LOC131768270: variants seen among roughly 807,000 people sequenced by gnomAD.
At chr5:140,567,156 G>T in the LOC131768270 span, 1 of 1,614,200 alleles carries the variant, frequency 6.2e-7, no homozygotes, top group African/African-American at 1.3e-5. Context: ...AGCCACCCAG[G>T]GTCTTGTGTG....
At chr5:140,564,863 GT>G in the LOC131768270 span, 1 of 405,870 alleles carries the variant, frequency 2.5e-6, no homozygotes, top group South Asian at 1.1e-4. The surrounding 1 kb of genome is among the most constrained non-coding windows in gnomAD (Gnocchi z 5.0). Context: ...GACAAGGTGA[GT>G]GGCCGTGGGG....
the LOC131768270 span, chr5:140,566,657 T>C: frequency 2.0e-6 from 1 of 493,834 alleles, no homozygotes; most frequent in Non-Finnish European, 3.6e-6. Flanking sequence ...TGGGCTTTGC[T>C]GTGGGCACCT....
chr5:140,564,967 C>G, the LOC131768270 span: 4 of 399,302 alleles, frequency 1.0e-5, no homozygotes, highest in African/African-American at 6.2e-5. This position sits in a 1 kb window ranked among gnomAD's most constrained non-coding sequence, Gnocchi z 5.0. Flanking sequence ...GAGGATGTCC[C>G]TTGTTTCTTC....
At chr5:140,567,557 T>C in the LOC131768270 span, 2 of 1,614,222 alleles carry the variant, frequency 1.2e-6, no homozygotes, top group Non-Finnish European at 1.7e-6. Context: ...AGCTGTGCTC[T>C]ACTGCCTCTG....
chr5:140,567,698 G>A, the LOC131768270 span: 1 of 1,614,010 alleles, frequency 6.2e-7, no homozygotes, highest in Non-Finnish European at 8.5e-7. Flanking sequence ...AGCAGCTGCT[G>A]CCAGCCCCAT....
the LOC131768270 span, chr5:140,567,935 G>T: frequency 6.2e-7 from 1 of 1,614,192 alleles, no homozygotes; most frequent in Non-Finnish European, 8.5e-7. Flanking sequence ...GGCAGCACTC[G>T]TGGTGCTGAG....
At chr5:140,567,793 G>T in the LOC131768270 span, 1 of 1,613,946 alleles carries the variant, frequency 6.2e-7, no homozygotes, top group Non-Finnish European at 8.5e-7. Flanking sequence ...ACACAGAGCT[G>T]CTCATGAAGC....
chr5:140,566,066 G>A, the LOC131768270 span: 1 of 397,448 alleles, frequency 2.5e-6, no homozygotes, highest in Non-Finnish European at 4.4e-6. Context: ...TTCAGCAAGT[G>A]ATTATTGAGG....
the LOC131768270 span, chr5:140,567,650 C>T: frequency 6.2e-7 from 1 of 1,614,128 alleles, no homozygotes; most frequent in Admixed American, 1.7e-5. Flanking sequence ...AGCAGGGGGC[C>T]TTCAAGTTCC....
chr5:140,567,754 C>T, the LOC131768270 span: 3 of 1,614,162 alleles, frequency 1.9e-6, no homozygotes, highest in South Asian at 2.2e-5. Context: ...TCATTCTGTA[C>T]TGCCTCATCT....
the LOC131768270 span, chr5:140,567,014 C>A: frequency 8.5e-7 from 1 of 1,179,888 alleles, no homozygotes; most frequent in South Asian, 1.3e-5. Flanking sequence ...CTCTTCAAGC[C>A]CTGACTGTGG....
chr5:140,567,618 T>G, the LOC131768270 span: 2 of 1,614,104 alleles, frequency 1.2e-6, no homozygotes, highest in Non-Finnish European at 1.7e-6. Context: ...CTGCTGCTGA[T>G]GGCTGCGGGA....
the LOC131768270 span, chr5:140,565,269 A>C: frequency 1.0e-5 from 2 of 192,294 alleles, no homozygotes; most frequent in Non-Finnish European, 2.1e-5. Flanking sequence ...TATGCGATCA[A>C]AATCACTCAG....
At chr5:140,568,477 A>G in the LOC131768270 span, 3 of 363,986 alleles carry the variant, frequency 8.2e-6, no homozygotes, top group African/African-American at 4.2e-5. Flanking sequence ...TTTGTCCTGC[A>G]TGAACAGAGT....
At chr5:140,566,772 C>A in the LOC131768270 span, 8 of 598,996 alleles carry the variant, frequency 1.3e-5, no homozygotes, top group African/African-American at 1.5e-4. Flanking sequence ...GCTCTAGGTG[C>A]CATGGAAGAG....
chr5:140,569,060 A>C, the LOC131768270 span: 1 of 166,978 alleles, frequency 6.0e-6, no homozygotes. Context: ...GATCTTAATA[A>C]AGTCTTCTAG....
the LOC131768270 span, chr5:140,567,952 A>T: frequency 1.9e-6 from 3 of 1,614,196 alleles, no homozygotes; most frequent in Non-Finnish European, 2.5e-6. Context: ...TGAGCCAGGC[A>T]CTAAATGGAC....
the LOC131768270 span, chr5:140,567,339 C>T: frequency 1.9e-5 from 31 of 1,614,198 alleles, no homozygotes; most frequent in East Asian, 6.5e-4. Context: ...GTGCTGCTGA[C>T]TGAGCTGACC....
the LOC131768270 span, chr5:140,567,677 AG>A: frequency 1.9e-5 from 31 of 1,613,940 alleles, no homozygotes; most frequent in Admixed American, 3.3e-5. Flanking sequence ...CACCCTTCCC[AG>A]TCCCCCTCCA....
Sources: gnomAD v4.1 joint callset for allele counts on GRCh38, gnomAD v4.1.1 for gene constraint, Gnocchi (gnomAD v3.1) non-coding constraint, MANE v1.5 for transcripts.